Variants in RUNDC3B observed in about 807,000 individuals in gnomAD.
The protein encoded by RUNDC3B is RUN domain-containing protein 3B.
RUNDC3B carries 33 observed loss-of-function variants against 58.4 expected under a neutral mutation model. The ratio of observed to expected loss-of-function variants is 0.56; its 90% CI spans 0.43 to 0.75. The LOEUF is 0.75. Ranked by LOEUF, RUNDC3B falls within the 30% of genes least tolerant of loss-of-function variation. The pLI is 0.00. For synonymous variants in RUNDC3B, 193 were observed against 195.2 expected, an observed-to-expected ratio of 0.99 and a Z score of 0.10; for missense variants, 501 against 535.7, an observed-to-expected ratio of 0.94 and a Z score of 0.64.
At chr7:87,719,913 A>G (rs1051895634) in intron 4 of RUNDC3B, among the ~76,000 whole-genome samples, 1 of 151,204 alleles carries the variant, frequency 6.6e-6, no homozygotes, top group African/African-American at 2.4e-5. Flanking sequence ...ATATAACCCT[A>G]TGTAGGTAAA....
chr7:87,708,751 A>G (rs1052514691), intron 3 of RUNDC3B, among the ~76,000 whole-genome samples: 4 of 152,168 alleles, frequency 2.6e-5, no homozygotes, highest in Admixed American at 6.5e-5. Context: ...TGGTGGTAAA[A>G]TGAATTTCTT....
chr7:87,829,618 G>C (rs1838027834), intron 10 of RUNDC3B, among the ~76,000 whole-genome samples: 1 of 151,986 alleles, frequency 6.6e-6, no homozygotes, highest in Admixed American at 6.6e-5. Flanking sequence ...GATGCTTCTA[G>C]CTTTGTTCTT....
At chr7:87,719,669 GTA>G (rs1256715462) in intron 4 of RUNDC3B, among the ~76,000 whole-genome samples, 1 of 151,622 alleles carries the variant, frequency 6.6e-6, no homozygotes, top group African/African-American at 2.4e-5. Flanking sequence ...ATAAATGCAA[GTA>G]AAAAATAAAC....
intron 6 of RUNDC3B, among the ~76,000 whole-genome samples, chr7:87,745,501 G>A (rs1158960624): frequency 6.6e-6 from 1 of 151,558 alleles, no homozygotes; most frequent in African/African-American, 2.4e-5. Context: ...CTTGTTATTG[G>A]TCTGTTCAGC....
intron 4 of RUNDC3B, among the ~76,000 whole-genome samples, chr7:87,725,985 A>ATAT (rs1184955418): frequency 6.6e-6 from 1 of 151,964 alleles, no homozygotes; most frequent in Non-Finnish European, 1.5e-5. Context: ...TAGATTCTGG[A>ATAT]TATTAGCCCT....
At chr7:87,643,327 C>CT (rs972654957) in intron 1 of RUNDC3B, among the ~76,000 whole-genome samples, 2 of 151,942 alleles carry the variant, frequency 1.3e-5, no homozygotes, top group South Asian at 2.1e-4. Context: ...ATGGTTGGGA[C>CT]TTTTTTTGGT....
chr7:87,741,120 G>A (rs189472298), intron 5 of RUNDC3B, among the ~76,000 whole-genome samples: 1 of 151,636 alleles, frequency 6.6e-6, no homozygotes, highest in African/African-American at 2.4e-5. Context: ...CAGGAGAATC[G>A]CTGGAACCCG....
At chr7:87,736,889 A>ATTTTTTT (rs869109911) in intron 4 of RUNDC3B, among the ~76,000 whole-genome samples, 1 of 28,222 alleles carries the variant, frequency 3.5e-5, no homozygotes, top group Non-Finnish European at 5.7e-5. Flanking sequence ...ATATATATAT[A>ATTTTTTT]TTTTTTTTTT....
intron 8 of RUNDC3B, among the ~76,000 whole-genome samples, chr7:87,788,629 A>G (rs1045989382): frequency 1.3e-5 from 2 of 151,738 alleles, no homozygotes; most frequent in East Asian, 1.9e-4. Flanking sequence ...TAAAGTACCA[A>G]TTGTACTTTG....
rs543499396 is a variant in RUNDC3B at position 87,726,942 on chromosome 7, C to A, written c.459-12849C>A. 2.9e-3 allele frequency among the ~76,000 whole-genome samples: 441 copies of A among 152,142 alleles called. 3 individuals carry two copies. The highest frequency in any genetic ancestry group is 9.8e-3 in the African/African-American group (408 of 41,512). On this transcript the variant is annotated intron_variant, in intron 4 of 10. Coordinates refer to ENST00000394654, the MANE Select transcript of RUNDC3B (RefSeq NM_001134405.2). ...TGATTTTTGCACATTGATTTTGTAT[C>A]CTGAGACTTTGCTGAAGTTGCTTAT...
At chr7:87,773,662 T>TC (rs1834434943) in intron 7 of RUNDC3B, among the ~76,000 whole-genome samples, 1 of 135,156 alleles carries the variant, frequency 7.4e-6, no homozygotes, top group East Asian at 2.0e-4. Flanking sequence ...TCTTGTCTTG[T>TC]TTTGTTTTGT....
chr7:87,650,719 A>AT (rs1454474111), intron 1 of RUNDC3B, 103 bp from the exon 2 acceptor site: 2 of 710,818 alleles, frequency 2.8e-6, no homozygotes, highest in Middle Eastern at 2.4e-4. Flanking sequence ...ACTCTTGTAA[A>AT]ATATTTTTAC....
intron 3 of RUNDC3B, among the ~76,000 whole-genome samples, chr7:87,702,942 A>G (rs770948078): frequency 1.3e-5 from 2 of 152,088 alleles, no homozygotes; most frequent in Non-Finnish European, 2.9e-5. Context: ...AACTCAACTA[A>G]CTCACTCAAC....
intron 8 of RUNDC3B, among the ~76,000 whole-genome samples, chr7:87,793,146 T>C (rs1251240318): frequency 6.6e-6 from 1 of 152,028 alleles, no homozygotes; most frequent in Non-Finnish European, 1.5e-5. Context: ...TATTGAACCA[T>C]GAAGAAATCC....
chr7:87,665,173 A>C (rs1417955227), intron 2 of RUNDC3B, among the ~76,000 whole-genome samples: 6 of 152,198 alleles, frequency 3.9e-5, no homozygotes, highest in African/African-American at 1.4e-4. Flanking sequence ...CTGTTTGCAG[A>C]TTAAATTATC....
chr7:87,716,762 T>C (rs1830577789), intron 4 of RUNDC3B, among the ~76,000 whole-genome samples: 2 of 152,158 alleles, frequency 1.3e-5, no homozygotes, highest in South Asian at 4.1e-4. Context: ...CTGTACATGA[T>C]TAGTGTAGAA....
chr7:87,797,662 T>A (rs1010029692), intron 8 of RUNDC3B, among the ~76,000 whole-genome samples: 2 of 152,210 alleles, frequency 1.3e-5, no homozygotes, highest in African/African-American at 4.8e-5. Flanking sequence ...AGAAGAACTT[T>A]CCCTCGTCAG....
intron 2 of RUNDC3B, chr7:87,659,254 CT>C: frequency 2.4e-6 from 1 of 410,538 alleles, no homozygotes; most frequent in South Asian, 1.8e-5. Context: ...TTCCATTTTA[CT>C]TTTAGTTTTC....
At chr7:87,736,831 ATATG>A (rs1409856732) in intron 4 of RUNDC3B, among the ~76,000 whole-genome samples, 1 of 132,968 alleles carries the variant, frequency 7.5e-6, no homozygotes, top group Non-Finnish European at 1.6e-5. Flanking sequence ...TATGTTATAT[ATATG>A]TATGTGTGTA....
Sources: gnomAD v4.1 joint callset for allele counts (sites outside exome capture counted in the v4.1 genomes callset) on GRCh38, gnomAD v4.1.1 for gene constraint, MANE v1.5 for transcripts, NCBI Gene and HGNC (gene_info 2026-07-23, HGNC 2026-07-21) for gene names.